NEGR1: variants seen among roughly 807,000 people sequenced by gnomAD.
NEGR1 encodes IgLON family member 4.
Under a neutral mutation model 40.9 loss-of-function variants are expected in NEGR1, and 10 were observed. That is an observed-to-expected ratio of 0.24 (90% confidence interval 0.15 to 0.42). The LOEUF is 0.42. NEGR1 is among the 10% of genes least tolerant of loss of function. The pLI is 1.00. For synonymous variants in NEGR1, 185 were observed against 166.8 expected (o/e 1.11, Z -0.84); for missense variants, 352 against 438.9 (o/e 0.80, Z 1.77).
At chr1:71,619,400 A>G (rs192855034) in intron 4 of NEGR1, among the ~76,000 whole-genome samples, 1 of 152,200 alleles carries the variant, frequency 6.6e-6, no homozygotes. Flanking sequence ...AAATAAATTT[A>G]TGCATCTTCA....
At chr1:72,141,540 G>T (rs530930529) in intron 1 of NEGR1, among the ~76,000 whole-genome samples, 1 of 151,928 alleles carries the variant, frequency 6.6e-6, no homozygotes, top group East Asian at 1.9e-4. Flanking sequence ...TCAAATGGGA[G>T]CACCACTCAA....
intron 2 of NEGR1, among the ~76,000 whole-genome samples, chr1:71,777,927 C>T (rs1391921893): frequency 6.6e-6 from 1 of 151,958 alleles, no homozygotes; most frequent in Non-Finnish European, 1.5e-5. Context: ...GAGCTTTTCT[C>T]AGGCAAATAA....
At chr1:71,445,283 G>A (rs1646573481) in intron 6 of NEGR1, among the ~76,000 whole-genome samples, 1 of 149,298 alleles carries the variant, frequency 6.7e-6, no homozygotes, top group East Asian at 2.0e-4. Context: ...TTCAAGGTCA[G>A]AACACAAGCT....
At chr1:72,266,457 A>AAGGCCTT (rs1352099042) in intron 1 of NEGR1, among the ~76,000 whole-genome samples, 5 of 150,810 alleles carry the variant, frequency 3.3e-5, no homozygotes, top group African/African-American at 1.2e-4. Flanking sequence ...AAGCCTGTTC[A>AAGGCCTT]AGGCCTTAAG....
intron 4 of NEGR1, among the ~76,000 whole-genome samples, chr1:71,627,093 C>T (rs1650812503): frequency 6.6e-6 from 1 of 152,096 alleles, no homozygotes; most frequent in Admixed American, 6.6e-5. Context: ...TGTGGTGATT[C>T]CTCAGGGATC....
At chr1:71,474,559 CAA>C in intron 6 of NEGR1, among the ~76,000 whole-genome samples, 1 of 137,652 alleles carries the variant, frequency 7.3e-6, no homozygotes, top group African/African-American at 2.6e-5. Context: ...CACACACACA[CAA>C]TTAGCCAGGC....
chr1:71,993,866 G>C (rs986875564), intron 1 of NEGR1, among the ~76,000 whole-genome samples: 5 of 152,122 alleles, frequency 3.3e-5, no homozygotes, highest in Non-Finnish European at 1.5e-5. Context: ...ACTTGAGAGA[G>C]TAACCCTGGA....
intron 3 of NEGR1, among the ~76,000 whole-genome samples, chr1:71,756,846 T>TAA (rs200567051): frequency 7.8e-6 from 1 of 127,828 alleles, no homozygotes; most frequent in Non-Finnish European, 1.7e-5. Flanking sequence ...AAAATGAAAA[T>TAA]AAAAAAAAAA....
chr1:71,970,802 T>C (rs921451359), intron 1 of NEGR1, among the ~76,000 whole-genome samples: 2 of 152,184 alleles, frequency 1.3e-5, no homozygotes, highest in African/African-American at 2.4e-5. Flanking sequence ...GGTTATTAAA[T>C]GAAATATGTA....
intron 6 of NEGR1, among the ~76,000 whole-genome samples, chr1:71,591,720 T>C (rs1649505696): frequency 2.0e-5 from 3 of 152,142 alleles, no homozygotes; most frequent in Non-Finnish European, 4.4e-5. Context: ...CTAAAGGATA[T>C]TAGGCTGGGA....
chr1:71,991,755 G>A (rs1368119010), intron 1 of NEGR1, among the ~76,000 whole-genome samples: 2 of 152,144 alleles, frequency 1.3e-5, no homozygotes, highest in Non-Finnish European at 1.5e-5. Flanking sequence ...GTCATGGAAT[G>A]TCAGTAAATG....
chr1:71,479,077 C>T (rs180731187), intron 6 of NEGR1, among the ~76,000 whole-genome samples: 4 of 152,098 alleles, frequency 2.6e-5, no homozygotes, highest in African/African-American at 9.6e-5. Flanking sequence ...ACATAAGTTA[C>T]TTTATTAATA....
At chr1:71,536,829 C>T (rs920716500) in intron 6 of NEGR1, among the ~76,000 whole-genome samples, 1 of 151,706 alleles carries the variant, frequency 6.6e-6, no homozygotes, top group Non-Finnish European at 1.5e-5. Flanking sequence ...TAAAATTAAA[C>T]TTTCTCCCTT....
chr1:71,925,007 G>C (rs912262677), intron 2 of NEGR1, among the ~76,000 whole-genome samples: 4 of 151,836 alleles, frequency 2.6e-5, no homozygotes, highest in Admixed American at 2.6e-4. Flanking sequence ...AAAGAAATAC[G>C]TGCATTTATA....
At chr1:71,524,315 A>AGTGTTT (rs1647191006) in intron 6 of NEGR1, among the ~76,000 whole-genome samples, 1 of 140,566 alleles carries the variant, frequency 7.1e-6, no homozygotes, top group Non-Finnish European at 1.6e-5. Context: ...TTTAAATAGG[A>AGTGTTT]GTGTGTGTGT....
intron 1 of NEGR1, among the ~76,000 whole-genome samples, chr1:72,101,145 T>C (rs1045896219): frequency 6.6e-6 from 1 of 152,194 alleles, no homozygotes; most frequent in Non-Finnish European, 1.5e-5. Context: ...GCACAGCATA[T>C]AAGTTTGACT....
intron 3 of NEGR1, among the ~76,000 whole-genome samples, chr1:71,769,230 A>G (rs914205545): frequency 6.6e-6 from 1 of 151,446 alleles, no homozygotes; most frequent in Non-Finnish European, 1.5e-5. Flanking sequence ...TACAATTTTT[A>G]TTTTTTCTTT....
chr1:72,061,660 G>C (rs1647175708), intron 1 of NEGR1, among the ~76,000 whole-genome samples: 1 of 151,576 alleles, frequency 6.6e-6, no homozygotes, highest in Admixed American at 6.6e-5. Context: ...GAAGGAAGGG[G>C]GAATAGCTTT....
intron 1 of NEGR1, among the ~76,000 whole-genome samples, chr1:72,062,789 A>G (rs1255538507): frequency 6.6e-6 from 1 of 151,984 alleles, no homozygotes; most frequent in Non-Finnish European, 1.5e-5. Flanking sequence ...TGCCTGTGAA[A>G]TATGAAGTGG....
Sources: allele counts gnomAD v4.1 joint callset (sites outside exome capture counted in the v4.1 genomes callset), GRCh38; gene constraint gnomAD v4.1.1; transcripts MANE v1.5; gene names NCBI Gene and HGNC (gene_info 2026-07-23, HGNC 2026-07-21).